Variants in PRKG1 observed in about 807,000 individuals in gnomAD.
The protein encoded by PRKG1 is cGMP-dependent protein kinase 1.
PRKG1 carries 35 observed loss-of-function variants against 88.1 expected under a neutral mutation model. The observed-to-expected ratio is 0.40, with a 90% CI of 0.30 to 0.53. The LOEUF is 0.53. PRKG1 is among the 20% of genes least tolerant of loss of function. The probability of loss-of-function intolerance (pLI) is 0.59; values close to 1 mark genes in which losing one functional copy is unlikely to be tolerated. For synonymous variants in PRKG1, 303 were observed against 292.5 expected (o/e 1.04, Z -0.37); for missense variants, 540 against 839.8 (o/e 0.64, Z 4.41).
intron 2 of PRKG1, among the ~76,000 whole-genome samples, chr10:51,175,224 A>G (rs538856319): frequency 6.6e-6 from 1 of 151,990 alleles, no homozygotes; most frequent in Admixed American, 6.6e-5. Flanking sequence ...ACATTATTTC[A>G]TTTAACTCTT....
At chr10:52,262,733 T>C (rs111983458) in intron 10 of PRKG1, among the ~76,000 whole-genome samples, 30 of 152,128 alleles carry the variant, frequency 2.0e-4, no homozygotes, top group African/African-American at 6.8e-4. Flanking sequence ...CTTCCTGCTG[T>C]GGATATCAAA....
intron 2 of PRKG1, among the ~76,000 whole-genome samples, chr10:51,371,292 C>T (rs905469113): frequency 6.6e-6 from 1 of 151,840 alleles, no homozygotes; most frequent in Admixed American, 6.6e-5. Context: ...GTCCCAGCTA[C>T]TTGGGAGGTT....
intron 2 of PRKG1, among the ~76,000 whole-genome samples, chr10:51,402,824 T>C (rs946132408): frequency 1.3e-5 from 2 of 152,166 alleles, no homozygotes; most frequent in Admixed American, 1.3e-4. Flanking sequence ...TGATGGCAAA[T>C]TGCAAGGACA....
intron 3 of PRKG1, among the ~76,000 whole-genome samples, chr10:51,548,096 T>C (rs1168626784): frequency 1.3e-5 from 2 of 152,102 alleles, no homozygotes; most frequent in Non-Finnish European, 2.9e-5. Flanking sequence ...GAAGAACAAA[T>C]TGTTCTCTGG....
chr10:51,612,879 T>C (rs1234802856), intron 3 of PRKG1, among the ~76,000 whole-genome samples: 1 of 152,128 alleles, frequency 6.6e-6, no homozygotes, highest in African/African-American at 2.4e-5. Context: ...GAGATGATCA[T>C]ATGCTTTTTG....
At chr10:52,211,414 A>G (rs1170241308) in intron 9 of PRKG1, among the ~76,000 whole-genome samples, 1 of 152,186 alleles carries the variant, frequency 6.6e-6, no homozygotes, top group East Asian at 1.9e-4. Context: ...TCATAATCCA[A>G]TGAACAAGGA....
intron 4 of PRKG1, among the ~76,000 whole-genome samples, chr10:51,839,975 A>T (rs1209703893): frequency 6.6e-6 from 1 of 152,232 alleles, no homozygotes; most frequent in Non-Finnish European, 1.5e-5. Context: ...TCAGTAAGTG[A>T]CAGCCCTGTT....
rs140894634 is a variant in PRKG1, at chr10:51,493,572, A to G, written c.592+25736A>G. Among the ~76,000 whole-genome samples the G allele has an allele frequency of 2.1e-4, 32 of 152,298 alleles. No individual in the cohort carries two copies. The East Asian group carries it at 4.2e-3, about 20-fold the overall frequency. ...ACTTAATCTGCTGCTCTGCTTTGAG[A>G]GAATAAATGAGTCAAGATTCTTCGC... On this transcript the variant is annotated intron_variant, in intron 3 of 17. Coordinates refer to ENST00000373980, the MANE Select transcript of PRKG1 (RefSeq NM_006258.4).
At chr10:51,597,892 C>T (rs529515615) in intron 3 of PRKG1, among the ~76,000 whole-genome samples, 116 of 152,168 alleles carry the variant, frequency 7.6e-4, no homozygotes, top group African/African-American at 2.6e-3. Flanking sequence ...CAGATTCCTC[C>T]AAAAATTGCT....
In PRKG1 at chr10:51,849,163, A is replaced by G. The variant is rs183377374; in HGVS notation, c.698+44473A>G. ...CTAATCCTACCAAAACCCATTCCAT[A>G]TATCATCTTCCCATTCTTTAACCCA... On this transcript the variant is annotated intron_variant, in intron 4 of 17. Transcript: ENST00000373980. Among the ~76,000 whole-genome samples, 137 of 152,258 alleles carry G rather than the reference A, an allele frequency of 9.0e-4. 1 individual carries two copies. Among genetic ancestry groups the G allele is most frequent in the African/African-American group, 3.0e-3 (124 of 41,566 alleles).
rs796680363 is a variant in PRKG1, at chr10:51,017,667, A to G, written c.266+26023A>G. ...ACTTCAAATTTTTTCCTGGGGCTCT[A>G]TTAATCTGTGATCTCCTACAATCTT... On this transcript the variant is annotated intron_variant, in intron 1 of 17. Transcript: ENST00000401604. Among the ~76,000 whole-genome samples the G allele has an allele frequency of 4.6e-5, 7 of 152,294 alleles. 1 individual carries two copies. The highest frequency in any genetic ancestry group is 1.7e-4 in the African/African-American group (7 of 41,582).
At chr10:51,198,616 G>A (rs768442778) in intron 2 of PRKG1, among the ~76,000 whole-genome samples, 5 of 152,198 alleles carry the variant, frequency 3.3e-5, no homozygotes, top group Non-Finnish European at 7.3e-5. Flanking sequence ...CATTCATGGA[G>A]GAAGACTCTA....
At chr10:51,243,195 G>A (rs1390247309) in intron 2 of PRKG1, among the ~76,000 whole-genome samples, 5 of 152,156 alleles carry the variant, frequency 3.3e-5, no homozygotes, top group Non-Finnish European at 7.4e-5. Flanking sequence ...TGATGTATCA[G>A]TGAGAGAGCC....
intron 5 of PRKG1, among the ~76,000 whole-genome samples, chr10:51,947,155 G>A (rs1226069570): frequency 6.6e-6 from 1 of 151,278 alleles, no homozygotes; most frequent in African/African-American, 2.5e-5. Context: ...ACCTAAGCAA[G>A]CCTGGGCAAT....
chr10:51,745,013 T>C (rs146068737), intron 3 of PRKG1, among the ~76,000 whole-genome samples: 2 of 152,326 alleles, frequency 1.3e-5, no homozygotes, highest in African/African-American at 4.8e-5. Flanking sequence ...TCCATCTTAA[T>C]ATAGACCTGA....
chr10:51,178,898 C>A (rs973242783), intron 2 of PRKG1, among the ~76,000 whole-genome samples: 1 of 151,932 alleles, frequency 6.6e-6, no homozygotes, highest in Admixed American at 6.6e-5. Context: ...TTCTAATAAC[C>A]AATATAACAT....
chr10:51,191,865 C>T (rs1351450159), intron 2 of PRKG1, among the ~76,000 whole-genome samples: 1 of 151,686 alleles, frequency 6.6e-6, no homozygotes, highest in Non-Finnish European at 1.5e-5. Context: ...GTGAGTTTTT[C>T]CAGCCTTCCT....
chr10:51,040,639 G>C (rs547716434), intron 1 of PRKG1, among the ~76,000 whole-genome samples: 4 of 151,914 alleles, frequency 2.6e-5, no homozygotes, highest in African/African-American at 9.6e-5. Flanking sequence ...TTTCATCAGC[G>C]TTTTTTAATT....
chr10:51,157,624 G>A (rs970526571), intron 2 of PRKG1, among the ~76,000 whole-genome samples: 4 of 151,686 alleles, frequency 2.6e-5, no homozygotes, highest in Admixed American at 2.0e-4. Context: ...TATTGGAAAT[G>A]TCTAATTTAT....
Sources: gnomAD v4.1 joint callset for allele counts (sites outside exome capture counted in the v4.1 genomes callset) on GRCh38, gnomAD v4.1.1 for gene constraint, MANE v1.5 for transcripts, NCBI Gene and HGNC (gene_info 2026-07-23, HGNC 2026-07-21) for gene names.